Variants in ANKS1B observed in about 807,000 individuals in gnomAD.
ANKS1B encodes ankyrin repeat and sterile alpha motif domain-containing protein 1B.
ANKS1B carries 36 observed loss-of-function variants against 148.3 expected under a neutral mutation model. The observed-to-expected ratio is 0.24, with a 90% confidence interval of 0.19 to 0.32. ANKS1B has a LOEUF of 0.32. Ranked by LOEUF, ANKS1B falls within the 10% of genes least tolerant of loss-of-function variation. The pLI is 1.00. For synonymous variants in ANKS1B, 542 were observed against 560.8 expected (o/e 0.97, Z 0.47); for missense variants, 1,157 against 1,542.6 (o/e 0.75, Z 4.19).
At chr12:99,044,993 T>G (rs1354470348) in intron 17 of ANKS1B, among the ~76,000 whole-genome samples, 3 of 152,204 alleles carry the variant, frequency 2.0e-5, no homozygotes, top group Non-Finnish European at 2.9e-5. Context: ...TTTGAAACCC[T>G]GACACACACA....
chr12:99,857,996 A>G (rs1484753094), intron 1 of ANKS1B, among the ~76,000 whole-genome samples: 1 of 152,204 alleles, frequency 6.6e-6, no homozygotes. Context: ...CATGACCAAG[A>G]ACCCAAAAGC....
chr12:99,825,249 A>G lies in ANKS1B; in HGVS notation c.215+60T>C. On this transcript the variant is annotated intron_variant, in intron 2 of 26. Transcript: ENST00000683438. ...CATGAGAAAGGTATCGTCAAGACATAATTAACTTCATCACATGTAACTAAA... is the reference window on the plus strand; with the variant it reads ...CATGAGAAAGGTATCGTCAAGACATGATTAACTTCATCACATGTAACTAAA... The G allele has an allele frequency of 5.0e-6, 7 of 1,400,430 alleles. No homozygotes were observed. The South Asian group carries it at 8.6e-5, about 17-fold the overall frequency. The allele number at this position is 1,400,430 out of a possible 1,614,324, so 86.8% of individuals were successfully genotyped here. A position where few individuals can be genotyped will look rare whatever the true frequency, so the allele number is the denominator to read the frequency against.
At chr12:99,313,406 A>G (rs1023093332) in intron 12 of ANKS1B, among the ~76,000 whole-genome samples, 1 of 152,206 alleles carries the variant, frequency 6.6e-6, no homozygotes, top group African/African-American at 2.4e-5. Context: ...AATCTTCCCT[A>G]ACTCATTTTA....
In ANKS1B at chr12:98,959,480, C is replaced by A. The variant is rs144535901; in HGVS notation, c.2778+93677G>T. ...TTTGCTCCAAGGCCAGTCATTTGGG[C>A]CCGAGTACCTAATGGATAATAACAG... is the stretch of plus-strand genomic sequence containing the variant. On this transcript the variant is annotated intron_variant, in intron 17 of 26. Coordinates refer to ENST00000683438, the MANE Select transcript of ANKS1B (RefSeq NM_001352186.2). Among the ~76,000 whole-genome samples, 486 of 152,246 alleles carry A rather than the reference C, an allele frequency of 3.2e-3. 2 individuals carry two copies. The highest frequency in any genetic ancestry group is 0.011 in the African/African-American group (469 of 41,552).
chr12:99,095,038 C>T (rs1474321613), intron 15 of ANKS1B, among the ~76,000 whole-genome samples: 1 of 141,560 alleles, frequency 7.1e-6, no homozygotes, highest in East Asian at 2.2e-4. Flanking sequence ...GGGGGGGGGT[C>T]AAGTCTCCAA....
At chr12:99,222,019 A>G (rs2085204706) in intron 14 of ANKS1B, among the ~76,000 whole-genome samples, 1 of 152,194 alleles carries the variant, frequency 6.6e-6, no homozygotes, top group Admixed American at 6.5e-5. Flanking sequence ...TAAATACCAG[A>G]AAGTGCTCTA....
chr12:99,353,104 G>A (rs1334944363), intron 12 of ANKS1B, among the ~76,000 whole-genome samples: 3 of 151,910 alleles, frequency 2.0e-5, no homozygotes, highest in Non-Finnish European at 4.4e-5. Flanking sequence ...TAGAATCTTT[G>A]CTTCTCCCCA....
rs988778487 is a variant in ANKS1B at position 99,177,874 on chromosome 12, C to T, written c.2420-23479G>A. 3.9e-5 allele frequency among the ~76,000 whole-genome samples: 6 copies of T among 152,284 alleles called. No homozygotes were observed. The East Asian group carries it at 1.2e-3, about 29-fold the overall frequency. On this transcript the variant is annotated intron_variant, in intron 14 of 26. Coordinates refer to ENST00000683438, the MANE Select transcript of ANKS1B (RefSeq NM_001352186.2). ...TACCACAATCTTTACAAGTCTAATG[C>T]TGTGTCTCTTCTTGAATATTCATGG...
At chr12:99,250,309 T>C (rs2074415897) in intron 12 of ANKS1B, among the ~76,000 whole-genome samples, 1 of 152,208 alleles carries the variant, frequency 6.6e-6, no homozygotes, top group Non-Finnish European at 1.5e-5. Context: ...GCTCTACGAT[T>C]GTTAGTTTGC....
At chr12:99,244,256 A>C in intron 14 of ANKS1B, 86 bp downstream of exon 14, 1 of 892,770 alleles carries the variant, frequency 1.1e-6, no homozygotes, top group East Asian at 2.7e-5. Flanking sequence ...TAATGAAAAA[A>C]ATGCAATTAT....
intron 11 of ANKS1B, among the ~76,000 whole-genome samples, chr12:99,401,558 T>C (rs1328938533): frequency 6.8e-6 from 1 of 146,884 alleles, no homozygotes; most frequent in African/African-American, 2.6e-5. Context: ...CAATGTTTTA[T>C]GCAATCATGA....
At chr12:99,653,266 T>G (rs1349614607) in intron 9 of ANKS1B, among the ~76,000 whole-genome samples, 1 of 152,210 alleles carries the variant, frequency 6.6e-6, no homozygotes, top group African/African-American at 2.4e-5. Context: ...CTGACAGCTT[T>G]TTGATTTGCA....
chr12:99,068,480 C>A (rs968607593), intron 16 of ANKS1B, among the ~76,000 whole-genome samples: 18 of 152,140 alleles, frequency 1.2e-4, no homozygotes, highest in Admixed American at 6.5e-4. Context: ...ATATGTGGTT[C>A]ATCACTGACC....
intron 8 of ANKS1B, among the ~76,000 whole-genome samples, chr12:99,731,344 C>T (rs2059128255): frequency 1.3e-5 from 2 of 151,812 alleles, no homozygotes; most frequent in African/African-American, 4.8e-5. Flanking sequence ...GTCTCAAACT[C>T]CTGACCTCAA....
At chr12:99,246,938 GAACATGTGGGCTATCCA>G in intron 12 of ANKS1B, 74 bp from the exon 13 acceptor site, 1 of 1,124,424 alleles carries the variant, frequency 8.9e-7, no homozygotes, top group Non-Finnish European at 1.3e-6. Flanking sequence ...GTGCCCTTAT[GAACATGTGGGCTATCCA>G]AACATTTCAT....
chr12:99,917,725 A>C (rs1440112697), intron 1 of ANKS1B, among the ~76,000 whole-genome samples: 1 of 152,178 alleles, frequency 6.6e-6, no homozygotes, highest in African/African-American at 2.4e-5. Context: ...CATCAAGCTG[A>C]TGAACCACTA....
chr12:99,618,370 T>TC (rs1220791251), intron 9 of ANKS1B, among the ~76,000 whole-genome samples: 1 of 152,138 alleles, frequency 6.6e-6, no homozygotes, highest in Admixed American at 6.5e-5. Context: ...CTGCGTTTTT[T>TC]CCCCAACAGG....
intron 1 of ANKS1B, among the ~76,000 whole-genome samples, chr12:99,907,563 T>C (rs2093830616): frequency 6.6e-6 from 1 of 152,164 alleles, no homozygotes; most frequent in South Asian, 2.1e-4. Context: ...GGGTTATATT[T>C]TCTCTGTAAA....
chr12:99,239,394 GCCTC>G (rs2088761525), intron 14 of ANKS1B, among the ~76,000 whole-genome samples: 1 of 152,174 alleles, frequency 6.6e-6, no homozygotes, highest in Non-Finnish European at 1.5e-5. Context: ...AATGAACAAA[GCCTC>G]CAAGAAATAT....
Sources: gnomAD v4.1 joint callset for allele counts (sites outside exome capture counted in the v4.1 genomes callset) on GRCh38, gnomAD v4.1.1 for gene constraint, MANE v1.5 for transcripts, NCBI Gene and HGNC (gene_info 2026-07-23, HGNC 2026-07-21) for gene names.